The following SEMA5A variants were observed in gnomAD, a reference collection of about 807,000 sequenced individuals.
The protein encoded by SEMA5A is semaphorin 5A, also known as semaphorin-5A.
SEMA5A carries 55 observed loss-of-function variants against 135.5 expected under a neutral mutation model. The ratio of observed to expected loss-of-function variants is 0.41; its 90% CI spans 0.33 to 0.51. SEMA5A has a LOEUF of 0.51. Ranked by LOEUF, SEMA5A falls within the 20% of genes least tolerant of loss-of-function variation. The pLI, the probability that SEMA5A is intolerant of heterozygous loss-of-function variation, is 0.37. For synonymous variants in SEMA5A, 580 were observed against 546.5 expected (o/e 1.06, Z -0.85); for missense variants, 1,290 against 1,419.9 (o/e 0.91, Z 1.47).
chr5:9,081,761 T>C (rs1738399014), intron 16 of SEMA5A, among the ~76,000 whole-genome samples: 1 of 152,222 alleles, frequency 6.6e-6, no homozygotes, highest in South Asian at 2.1e-4. Flanking sequence ...ACTATGCATG[T>C]GTTGACAATT....
chr5:9,379,765 A>G, intron 3 of SEMA5A, 58 bp downstream of exon 3: 1 of 1,585,706 alleles, frequency 6.3e-7, no homozygotes, highest in Non-Finnish European at 8.6e-7. Flanking sequence ...TTCTATCACT[A>G]AACACAGAAT....
chr5:9,494,353 T>C (rs17260975), intron 1 of SEMA5A, among the ~76,000 whole-genome samples: 3,185 of 152,326 alleles, frequency 0.021, 41 homozygotes, highest in Middle Eastern at 0.044. Flanking sequence ...TATATGGTGA[T>C]GGACATAGAT....
At chr5:9,416,801 G>A (rs1016621868) in intron 2 of SEMA5A, among the ~76,000 whole-genome samples, 1 of 152,118 alleles carries the variant, frequency 6.6e-6, no homozygotes, top group Non-Finnish European at 1.5e-5. Context: ...GGGATACTAC[G>A]GGTATCTGTC....
chr5:9,221,584 G>C lies in SEMA5A; in HGVS notation c.646+3090C>G, dbSNP rs1041715209. Among the ~76,000 whole-genome samples the C allele has an allele frequency of 4.6e-5, 7 of 152,120 alleles. No homozygotes were observed. The South Asian group carries it at 1.4e-3, about 31-fold the overall frequency. On this transcript the variant is annotated intron_variant, in intron 8 of 22. Coordinates refer to ENST00000382496, the MANE Select transcript of SEMA5A (RefSeq NM_003966.3). Reference sequence around the variant, plus strand: ...CCCAAAGTGCTGGGATTACAGGCGTGAGCCACCGCGCCTGGCCCCCCGAAC... The same window carrying C: ...CCCAAAGTGCTGGGATTACAGGCGTCAGCCACCGCGCCTGGCCCCCCGAAC...
chr5:9,156,023 A>C (rs1742934313), intron 11 of SEMA5A, among the ~76,000 whole-genome samples: 1 of 152,196 alleles, frequency 6.6e-6, no homozygotes, highest in Non-Finnish European at 1.5e-5. Flanking sequence ...ACACTGAAGT[A>C]TGCTATATGC....
Position 9,510,987 on chromosome 5 carries a change from G to A in SEMA5A, c.-175+34597C>T, listed in dbSNP as rs564686094. Among the ~76,000 whole-genome samples, 4 of 152,222 alleles carry A rather than the reference G, an allele frequency of 2.6e-5. No homozygotes were observed. In the South Asian group the frequency reaches 6.2e-4, roughly 24 times the overall value. On this transcript the variant is annotated intron_variant, in intron 1 of 22. Coordinates refer to ENST00000382496, the MANE Select transcript of SEMA5A (RefSeq NM_003966.3). ...TACCCGAGAAGTCATTGTTGTCTTA[G>A]GCCATTCAAATTTTCGTTTGCATCT...
chr5:9,126,680 C>G (rs1043300362), intron 13 of SEMA5A, among the ~76,000 whole-genome samples: 1 of 151,896 alleles, frequency 6.6e-6, no homozygotes, highest in Non-Finnish European at 1.5e-5. Flanking sequence ...TTTGGCAGGC[C>G]GGGGTGGGGA....
intron 2 of SEMA5A, among the ~76,000 whole-genome samples, chr5:9,426,207 G>A (rs7709896): frequency 0.17 from 26,214 of 151,834 alleles, 2,383 homozygotes; most frequent in African/African-American, 0.22. Flanking sequence ...GGAGGCCGAG[G>A]CGGGCAGATC....
Position 9,036,466 on chromosome 5 carries a change from G to A in SEMA5A, c.*6431C>T, listed in dbSNP as rs1017093907. ...TGTGTCTGATTTTCCTCTATCTATG[G>A]ACTTGCCTGAAGAGAAACAGAAACA... On this transcript the variant is annotated 3_prime_UTR_variant, in exon 23 of 23. Coordinates refer to ENST00000382496, the MANE Select transcript of SEMA5A (RefSeq NM_003966.3). The A allele has an allele frequency of 6.6e-6, 1 of 152,032 alleles. No homozygotes were observed. Among genetic ancestry groups the A allele is most frequent in the African/African-American group, 2.4e-5 (1 of 41,382 alleles). 9.4% of individuals were successfully genotyped at this position (152,032 alleles called of 1,614,324 possible). A position where few individuals can be genotyped will look rare whatever the true frequency, so the allele number is the denominator to read the frequency against.
At chr5:9,144,471 C>T (rs1156232409) in intron 12 of SEMA5A, among the ~76,000 whole-genome samples, 1 of 152,124 alleles carries the variant, frequency 6.6e-6, no homozygotes, top group Non-Finnish European at 1.5e-5. Context: ...AGGTTCAATG[C>T]CAAGGAACCC....
intron 13 of SEMA5A, among the ~76,000 whole-genome samples, chr5:9,123,823 G>A (rs1026821064): frequency 9.9e-5 from 15 of 152,142 alleles, no homozygotes; most frequent in Non-Finnish European, 1.6e-4. Context: ...GAGCTTACGG[G>A]CCAGTGAGAA....
At chr5:9,334,163 G>C (rs558871200) in intron 4 of SEMA5A, among the ~76,000 whole-genome samples, 1 of 151,816 alleles carries the variant, frequency 6.6e-6, no homozygotes, top group South Asian at 2.1e-4. Flanking sequence ...AGTATCACTA[G>C]TATAAAGTGA....
At chr5:9,164,455 T>C (rs924549414) in intron 11 of SEMA5A, among the ~76,000 whole-genome samples, 20 of 151,696 alleles carry the variant, frequency 1.3e-4, no homozygotes, top group Non-Finnish European at 1.9e-4. Flanking sequence ...GGAAGCATTA[T>C]AAATTATATA....
intron 2 of SEMA5A, among the ~76,000 whole-genome samples, chr5:9,426,347 C>T (rs890567505): frequency 6.6e-6 from 1 of 151,596 alleles, no homozygotes; most frequent in Non-Finnish European, 1.5e-5. Context: ...ATGGCGTGAT[C>T]CTGGGAGGCG....
chr5:9,515,122 A>C (rs1290767771), intron 1 of SEMA5A, among the ~76,000 whole-genome samples: 1 of 152,216 alleles, frequency 6.6e-6, no homozygotes, highest in African/African-American at 2.4e-5. Context: ...CTACAGTTGC[A>C]AAAATCATTT....
At chr5:9,489,737 G>T (rs1734910589) in intron 1 of SEMA5A, among the ~76,000 whole-genome samples, 1 of 152,172 alleles carries the variant, frequency 6.6e-6, no homozygotes, top group Non-Finnish European at 1.5e-5. Context: ...GATATAAATT[G>T]TCAGTGGATA....
intron 5 of SEMA5A, among the ~76,000 whole-genome samples, chr5:9,271,723 G>A (rs1226736265): frequency 6.6e-6 from 1 of 152,162 alleles, no homozygotes; most frequent in African/African-American, 2.4e-5. Context: ...AACCCAAGGA[G>A]GGCAAGCCAA....
rs527733927 is a variant in SEMA5A, at chr5:9,124,751, C to T, written c.1600-1914G>A. On this transcript the variant is annotated intron_variant, in intron 13 of 22. Coordinates refer to ENST00000382496, the MANE Select transcript of SEMA5A (RefSeq NM_003966.3). ...GATTACAGGCATGAGCCACCATGCA[C>T]GGCCTCCAAACCTCCTAATATTAAT... 2.2e-4 allele frequency among the ~76,000 whole-genome samples: 33 copies of T among 152,266 alleles called. No homozygotes were observed. The East Asian group carries it at 3.1e-3, about 14-fold the overall frequency.
intron 3 of SEMA5A, among the ~76,000 whole-genome samples, chr5:9,348,285 C>A (rs1753964458): frequency 6.6e-6 from 1 of 152,148 alleles, no homozygotes; most frequent in Non-Finnish European, 1.5e-5. Context: ...CTGATAAGTG[C>A]CTGGGTTTTA....
Sources: allele counts gnomAD v4.1 joint callset (sites outside exome capture counted in the v4.1 genomes callset), GRCh38; gene constraint gnomAD v4.1.1; transcripts MANE v1.5; gene names NCBI Gene and HGNC (gene_info 2026-07-23, HGNC 2026-07-21).